Variants in EPB41L4A observed in about 807,000 individuals in gnomAD.
EPB41L4A encodes band 4.1-like protein 4A.
Under a neutral mutation model 108.6 loss-of-function variants are expected in EPB41L4A, and 100 were observed. The observed-to-expected ratio is 0.92, with a 90% CI of 0.78 to 1.09. EPB41L4A has a LOEUF of 1.09. Ranked by LOEUF, EPB41L4A falls within the 50% of genes least tolerant of loss-of-function variation. The pLI is 0.00. For synonymous variants in EPB41L4A, 319 were observed against 289.0 expected (o/e 1.10, Z -1.05); for missense variants, 1,030 against 842.7 (o/e 1.22, Z -2.75).
chr5:112,273,894 G>C (rs1218070853), intron 4 of EPB41L4A, among the ~76,000 whole-genome samples: 1 of 152,032 alleles, frequency 6.6e-6, no homozygotes, highest in Non-Finnish European at 1.5e-5. Context: ...TACCCAGAAA[G>C]ATGTGCTCTG....
At position 112,287,698 on chromosome 5, in the gene EPB41L4A, A is replaced by T. The variant is rs183811271; in HGVS notation, c.205-7375T>A. On this transcript the variant is annotated intron_variant, in intron 2 of 22. Transcript: ENST00000261486. Reference sequence around the variant, plus strand: ...TGTGTGTTTTTGGGATGAAGTAGCAAGAAGGACCTTAAGGAGAGTATTGGT... The same window carrying T: ...TGTGTGTTTTTGGGATGAAGTAGCATGAAGGACCTTAAGGAGAGTATTGGT... Among the ~76,000 whole-genome samples, 7 of 152,182 alleles carry T rather than the reference A, an allele frequency of 4.6e-5. No homozygotes were observed. The East Asian group carries it at 1.3e-3, about 29-fold the overall frequency.
intron 17 of EPB41L4A, 69 bp from the exon 18 acceptor site, chr5:112,184,204 T>C: frequency 6.4e-7 from 1 of 1,565,480 alleles, no homozygotes; most frequent in Non-Finnish European, 8.7e-7. Context: ...CATCCTAAAC[T>C]TGCTTTTAAA....
chr5:112,365,178 A>T (rs564247767), intron 1 of EPB41L4A, among the ~76,000 whole-genome samples: 1 of 152,208 alleles, frequency 6.6e-6, no homozygotes, highest in South Asian at 2.1e-4. Context: ...TTATAGCATC[A>T]ATTTTTATTA....
Position 112,183,954 on chromosome 5 carries a change from A to G in EPB41L4A, c.1622+62T>C, listed in dbSNP as rs557236539. On this transcript the variant is annotated intron_variant, in intron 18 of 22. Transcript: ENST00000261486. The stretch of plus-strand genomic sequence containing the variant: ...AACTAAAACACTTTAGAAGACCTGA[A>G]TATCCACATGCTACTTCAAATTCAG... The G allele has an allele frequency of 1.1e-5, 17 of 1,599,772 alleles. No individual in the cohort carries two copies. The African/African-American group carries it at 1.3e-4, about 13-fold the overall frequency.
chr5:112,310,443 G>A (rs886590836), intron 1 of EPB41L4A, among the ~76,000 whole-genome samples: 3 of 152,260 alleles, frequency 2.0e-5, no homozygotes, highest in African/African-American at 7.2e-5. Context: ...TTGAGAACAT[G>A]CACCCTGTCT....
intron 22 of EPB41L4A, among the ~76,000 whole-genome samples, chr5:112,166,552 C>T (rs988185345): frequency 6.9e-6 from 1 of 145,158 alleles, no homozygotes; most frequent in Non-Finnish European, 1.5e-5. Flanking sequence ...CCTGCCAGGT[C>T]TCAGCTTTAA....
chr5:112,147,688 G>GA (rs1014113673), intron 12 of EPB41L4A, among the ~76,000 whole-genome samples: 9 of 148,344 alleles, frequency 6.1e-5, no homozygotes, highest in African/African-American at 2.0e-4. Context: ...TTCCATAAGA[G>GA]AAAAAAATTT....
At chr5:112,157,642 A>G (rs751424134), downstream of EPB41L4A, among the ~76,000 whole-genome samples, 3 of 151,980 alleles carry the variant, frequency 2.0e-5, no homozygotes, top group Non-Finnish European at 4.4e-5. Context: ...TCTCATGTCT[A>G]TTTCTCCTGC....
intron 2 of EPB41L4A, among the ~76,000 whole-genome samples, chr5:112,293,831 G>A (rs1336394903): frequency 6.6e-6 from 1 of 152,186 alleles, no homozygotes; most frequent in African/African-American, 2.4e-5. Context: ...ACTGTGCTCA[G>A]AAGAGGGCAC....
chr5:112,419,601 A>G (rs1235893962), upstream of EPB41L4A: 1 of 454,760 alleles, frequency 2.2e-6, no homozygotes, highest in Non-Finnish European at 4.4e-6. Flanking sequence ...GCCGAGTATG[A>G]AGCGCTCGGC....
chr5:112,224,287 AAC>A (rs1184898569), intron 12 of EPB41L4A, among the ~76,000 whole-genome samples: 2 of 152,190 alleles, frequency 1.3e-5, no homozygotes, highest in Non-Finnish European at 2.9e-5. Flanking sequence ...GGTTTTTCCA[AAC>A]ACAAAAAGTA....
At chr5:112,223,996 T>C (rs576126590) in intron 12 of EPB41L4A, among the ~76,000 whole-genome samples, 91 of 152,322 alleles carry the variant, frequency 6.0e-4, no homozygotes, top group Non-Finnish European at 9.7e-4. Flanking sequence ...CTGTCACCCA[T>C]ACTGGAGTGC....
chr5:112,352,019 T>C (rs193066368), intron 1 of EPB41L4A, among the ~76,000 whole-genome samples: 1 of 152,220 alleles, frequency 6.6e-6, no homozygotes, highest in African/African-American at 2.4e-5. Flanking sequence ...CGGCCATGTA[T>C]GACAGACCCA....
At chr5:112,243,637 T>A (rs914019837) in intron 9 of EPB41L4A, among the ~76,000 whole-genome samples, 4 of 152,190 alleles carry the variant, frequency 2.6e-5, no homozygotes, top group African/African-American at 9.7e-5. Context: ...CTTAGCTAGA[T>A]CTTCTGGATT....
chr5:112,339,962 CTAGT>C (rs1328241866), intron 1 of EPB41L4A, among the ~76,000 whole-genome samples: 3 of 152,126 alleles, frequency 2.0e-5, no homozygotes, highest in African/African-American at 7.2e-5. Flanking sequence ...AGGGCCTAGA[CTAGT>C]TAATCACTCA....
Position 112,164,950 on chromosome 5 carries a change from A to G in EPB41L4A, c.*40T>C, listed in dbSNP as rs754106645. ...ACAGTTTCAAAAGTACCAGTGGCGCACACAACCTTCCCACCCCTACCCTTG... is the reference window on the plus strand; with the variant it reads ...ACAGTTTCAAAAGTACCAGTGGCGCGCACAACCTTCCCACCCCTACCCTTG... On this transcript the variant is annotated 3_prime_UTR_variant, in exon 23 of 23. Transcript: ENST00000261486. 7 of 1,545,550 alleles carry G rather than the reference A, an allele frequency of 4.5e-6. No homozygotes were observed. The highest frequency in any genetic ancestry group is 6.1e-6 in the Non-Finnish European group (7 of 1,150,840).
At chr5:112,366,552 G>A (rs1759133026) in intron 1 of EPB41L4A, among the ~76,000 whole-genome samples, 1 of 152,118 alleles carries the variant, frequency 6.6e-6, no homozygotes, top group African/African-American at 2.4e-5. Context: ...AAAGGGCCAT[G>A]TGATAGGAGC....
intron 1 of EPB41L4A, among the ~76,000 whole-genome samples, chr5:112,354,565 C>T (rs1415419881): frequency 2.0e-5 from 3 of 152,170 alleles, no homozygotes; most frequent in Non-Finnish European, 4.4e-5. Context: ...CAGTTTTATA[C>T]AACCCCCACC....
At chr5:112,407,113 AG>A (rs1464998646) in intron 1 of EPB41L4A, among the ~76,000 whole-genome samples, 1 of 152,080 alleles carries the variant, frequency 6.6e-6, no homozygotes, top group Non-Finnish European at 1.5e-5. Flanking sequence ...AGCAATGACA[AG>A]CAGAAACGAG....
Sources: allele counts gnomAD v4.1 joint callset (sites outside exome capture counted in the v4.1 genomes callset), GRCh38; gene constraint gnomAD v4.1.1; transcripts MANE v1.5; gene names NCBI Gene and HGNC (gene_info 2026-07-23, HGNC 2026-07-21).